Variants in NEBL observed in about 807,000 individuals in gnomAD.
NEBL encodes nebulette.
A neutral mutation model predicts 140.2 loss-of-function variants in NEBL; 122 were observed. The ratio of observed to expected loss-of-function variants is 0.87; its 90% CI spans 0.75 to 1.01. The LOEUF (loss-of-function observed/expected upper bound fraction) is 1.01, where lower values mean the gene tolerates loss of function less well. NEBL is among the 50% of genes least tolerant of loss of function. The pLI is 0.00. For synonymous variants in NEBL, 436 were observed against 398.9 expected, an observed-to-expected ratio of 1.09 and a Z score of -1.11; for missense variants, 1,365 against 1,231.3, an observed-to-expected ratio of 1.11 and a Z score of -1.62.
chr10:20,999,280 C>CT (rs2131707956), intron 3 of NEBL, among the ~76,000 whole-genome samples: 1 of 152,126 alleles, frequency 6.6e-6, no homozygotes, highest in East Asian at 1.9e-4. Flanking sequence ...TGCAGTGATG[C>CT]TATATTCTCC....
At chr10:20,859,071 T>C (rs1207248424) in intron 8 of NEBL, among the ~76,000 whole-genome samples, 2 of 152,168 alleles carry the variant, frequency 1.3e-5, no homozygotes, top group African/African-American at 2.4e-5. Flanking sequence ...AGATCAATAA[T>C]ACATAATTTT....
chr10:21,246,905 C>T (rs1386574917), intron 3 of NEBL, among the ~76,000 whole-genome samples: 2 of 152,244 alleles, frequency 1.3e-5, no homozygotes, highest in African/African-American at 2.4e-5. Context: ...CCAAATCTCA[C>T]GTCAAATTGT....
intron 4 of NEBL, among the ~76,000 whole-genome samples, chr10:20,934,847 T>A (rs1834392703): frequency 6.6e-6 from 1 of 152,162 alleles, no homozygotes; most frequent in South Asian, 2.1e-4. Context: ...TACTATTTCA[T>A]TAACAGACAA....
chr10:20,918,646 A>G (rs576335403), intron 4 of NEBL, among the ~76,000 whole-genome samples: 3 of 152,056 alleles, frequency 2.0e-5, no homozygotes, highest in African/African-American at 4.8e-5. Flanking sequence ...CAGGAGATCG[A>G]GACCATCCTG....
chr10:20,974,435 G>A (rs1483119509), intron 3 of NEBL, among the ~76,000 whole-genome samples: 5 of 151,684 alleles, frequency 3.3e-5, no homozygotes, highest in East Asian at 1.9e-4. Context: ...TGTATTTTGC[G>A]TAAAGATGGG....
chr10:20,946,650 C>T (rs937456406), intron 4 of NEBL, among the ~76,000 whole-genome samples: 2 of 152,112 alleles, frequency 1.3e-5, no homozygotes, highest in African/African-American at 2.4e-5. Flanking sequence ...TTGGTAGAGA[C>T]GAGGTTTCAC....
chr10:20,807,148 G>A (rs1356041013), intron 26 of NEBL, among the ~76,000 whole-genome samples: 1 of 152,010 alleles, frequency 6.6e-6, no homozygotes, highest in Admixed American at 6.6e-5. Context: ...AACATTGCGA[G>A]ACCCCCGTCT....
chr10:21,137,064 C>A (rs960136573), intron 2 of NEBL, among the ~76,000 whole-genome samples: 2 of 152,160 alleles, frequency 1.3e-5, no homozygotes, highest in Non-Finnish European at 2.9e-5. Context: ...ATTCCTTATG[C>A]CATTTGTCTA....
chr10:21,223,668 G>C (rs1842104860), intron 3 of NEBL, among the ~76,000 whole-genome samples: 1 of 152,158 alleles, frequency 6.6e-6, no homozygotes, highest in Non-Finnish European at 1.5e-5. Context: ...CCCACCAATA[G>C]TGTATGAGGG....
chr10:21,004,492 G>A (rs868501895), intron 3 of NEBL, among the ~76,000 whole-genome samples: 24 of 152,036 alleles, frequency 1.6e-4, no homozygotes, highest in Admixed American at 2.6e-4. Flanking sequence ...AGGCCGAGGC[G>A]GGCAGATCAC....
chr10:21,087,373 T>G (rs1268391488), intron 2 of NEBL, among the ~76,000 whole-genome samples: 1 of 152,210 alleles, frequency 6.6e-6, no homozygotes, highest in Non-Finnish European at 1.5e-5. Context: ...TTTTTATTGA[T>G]GACCCAAGTT....
At chr10:21,096,354 G>T (rs573550053) in intron 2 of NEBL, among the ~76,000 whole-genome samples, 2 of 151,996 alleles carry the variant, frequency 1.3e-5, no homozygotes, top group African/African-American at 4.8e-5. Flanking sequence ...TATAAAACTC[G>T]CTTCTCAAAA....
intron 4 of NEBL, among the ~76,000 whole-genome samples, chr10:20,954,244 C>T (rs1341551422): frequency 6.6e-6 from 1 of 152,146 alleles, no homozygotes; most frequent in Non-Finnish European, 1.5e-5. Flanking sequence ...TAATAATCTT[C>T]ACTGTAAGAT....
At chr10:20,980,529 A>T (rs1344829995) in intron 3 of NEBL, among the ~76,000 whole-genome samples, 1 of 152,214 alleles carries the variant, frequency 6.6e-6, no homozygotes, top group Non-Finnish European at 1.5e-5. Context: ...GTACATATAT[A>T]GCGTGCATGG....
intron 4 of NEBL, among the ~76,000 whole-genome samples, chr10:20,903,336 A>C (rs752489423): frequency 5.9e-5 from 9 of 152,242 alleles, no homozygotes; most frequent in Non-Finnish European, 1.3e-4. Flanking sequence ...CCCTGGTCAG[A>C]ATGGCTATTA....
Position 20,819,483 on chromosome 10 carries a change from G to A in NEBL, c.1996C>T (p.Pro666Ser), listed in dbSNP as rs772963438. 1.1e-5 allele frequency: 18 copies of A among 1,613,960 alleles called. No individual in the cohort carries two copies. In the Admixed American group the frequency reaches 2.0e-4, roughly 18 times the overall value. The change falls in exon 20 of 28, where the codon CCG becomes TCG. Residue 666 changes from proline (P) to serine (S), a missense_variant. Around this residue, in one of 2 missense-constraint regions of NEBL, gnomAD observed 1,323 missense variants for 1,154.8 expected, o/e 1.15. Coordinates refer to ENST00000377122, the MANE Select transcript of NEBL (RefSeq NM_006393.3). ...QYKEQNYKAT[P>S]VSMTPEIERV... ...TCTATCTCCGGGGTCATGCTTACCG[G>A]AGTGGCCTTGTAGTTTTGCTCTTTA...
chr10:21,174,882 C>T (rs1841262880), upstream of NEBL: 1 of 152,232 alleles, frequency 6.6e-6, no homozygotes, highest in African/African-American at 2.4e-5. Context: ...CCGAGTCGAG[C>T]CTCTCTTGAT....
chr10:20,944,667 T>C (rs12414680), intron 4 of NEBL, among the ~76,000 whole-genome samples: 1 of 152,116 alleles, frequency 6.6e-6, no homozygotes, highest in Non-Finnish European at 1.5e-5. Flanking sequence ...TGTATCACAG[T>C]TGGAGCGTGA....
intron 2 of NEBL, among the ~76,000 whole-genome samples, chr10:21,097,171 G>A (rs921452610): frequency 1.3e-5 from 2 of 148,390 alleles, no homozygotes; most frequent in African/African-American, 2.5e-5. Flanking sequence ...CTCAATATCC[G>A]GCCAGGTGCG....
Sources: allele counts gnomAD v4.1 joint callset (sites outside exome capture counted in the v4.1 genomes callset), GRCh38; gene constraint gnomAD v4.1.1; regional missense constraint gnomAD v4.1.1; transcripts MANE v1.5; gene names NCBI Gene and HGNC (gene_info 2026-07-23, HGNC 2026-07-21).